The following LRP1B variants were observed in gnomAD, a reference collection of about 807,000 sequenced individuals.
LRP1B encodes low-density lipoprotein receptor-related protein 1B.
A neutral mutation model predicts 556.6 loss-of-function variants in LRP1B; 217 were observed. The ratio of observed to expected loss-of-function variants is 0.39; its 90% CI spans 0.35 to 0.44. The LOEUF (loss-of-function observed/expected upper bound fraction) is 0.44. Among genes scored for constraint, LRP1B ranks in the 20% least tolerant of loss-of-function variants. The probability of loss-of-function intolerance (pLI) is 1.00; values close to 1 mark genes in which losing one functional copy is unlikely to be tolerated. For missense variants in LRP1B, 5,053 were observed against 5,620.8 expected, an observed-to-expected ratio of 0.90 and a Z score of 3.23; for synonymous variants, 2,047 against 1,865.8, an observed-to-expected ratio of 1.10 and a Z score of -2.50.
intron 3 of LRP1B, among the ~76,000 whole-genome samples, chr2:141,456,148 G>A (rs529071018): frequency 1.4e-4 from 21 of 152,184 alleles, no homozygotes; most frequent in Non-Finnish European, 1.9e-4. Flanking sequence ...GTACTATAGC[G>A]TTTTCCCTTT....
intron 1 of LRP1B, among the ~76,000 whole-genome samples, chr2:141,914,446 A>G (rs1220228930): frequency 6.6e-6 from 1 of 152,238 alleles, no homozygotes; most frequent in African/African-American, 2.4e-5. Context: ...TAAAGACATC[A>G]GGTGGATGCC....
At chr2:141,289,605 G>C (rs1212099871) in intron 3 of LRP1B, among the ~76,000 whole-genome samples, 2 of 152,040 alleles carry the variant, frequency 1.3e-5, no homozygotes, top group Non-Finnish European at 2.9e-5. Context: ...GATCACAGGA[G>C]CAAAGGGAAA....
intron 1 of LRP1B, among the ~76,000 whole-genome samples, chr2:142,085,822 C>A (rs1472765081): frequency 1.3e-5 from 2 of 152,090 alleles, no homozygotes; most frequent in South Asian, 2.1e-4. Flanking sequence ...TAATACTATG[C>A]ATATATGAAA....
At chr2:140,573,520 G>A (rs1224172779) in intron 43 of LRP1B, among the ~76,000 whole-genome samples, 1 of 151,932 alleles carries the variant, frequency 6.6e-6, no homozygotes, top group Non-Finnish European at 1.5e-5. Flanking sequence ...TTATCTTTGA[G>A]TGATATTTTC....
intron 6 of LRP1B, among the ~76,000 whole-genome samples, chr2:141,210,927 A>T (rs1203284260): frequency 6.6e-6 from 1 of 152,194 alleles, no homozygotes; most frequent in East Asian, 1.9e-4. Context: ...TAACAGCTAA[A>T]CTAACAATAA....
At chr2:141,526,528 A>T (rs1684698454) in intron 2 of LRP1B, among the ~76,000 whole-genome samples, 1 of 152,032 alleles carries the variant, frequency 6.6e-6, no homozygotes, top group African/African-American at 2.4e-5. Flanking sequence ...CAATTTTTCC[A>T]TTTTATTCTT....
chr2:140,438,430 T>C (rs979993124), intron 66 of LRP1B, among the ~76,000 whole-genome samples: 5 of 152,250 alleles, frequency 3.3e-5, no homozygotes, highest in African/African-American at 9.6e-5. Context: ...TATAGCTATA[T>C]ATAGCTTAAC....
chr2:141,614,550 A>G (rs1161553681), intron 2 of LRP1B, among the ~76,000 whole-genome samples: 1 of 152,170 alleles, frequency 6.6e-6, no homozygotes, highest in African/African-American at 2.4e-5. Context: ...TACCAATGTG[A>G]CTGGTAGAAG....
chr2:141,907,112 G>T (rs1488958401), intron 1 of LRP1B, among the ~76,000 whole-genome samples: 1 of 151,972 alleles, frequency 6.6e-6, no homozygotes, highest in South Asian at 2.1e-4. Context: ...TAAAACTTGG[G>T]ATATGAAATT....
intron 62 of LRP1B, among the ~76,000 whole-genome samples, chr2:140,455,566 A>G (rs190035603): frequency 6.6e-5 from 10 of 152,298 alleles, no homozygotes; most frequent in African/African-American, 2.4e-4. Context: ...CTTAACCTCT[A>G]CACATTCTGG....
At chr2:141,189,539 A>C (rs1298088536) in intron 6 of LRP1B, among the ~76,000 whole-genome samples, 1 of 152,022 alleles carries the variant, frequency 6.6e-6, no homozygotes, top group Non-Finnish European at 1.5e-5. Context: ...AGGAGTATAC[A>C]TTCAGAGCAA....
intron 41 of LRP1B, among the ~76,000 whole-genome samples, chr2:140,676,606 CTG>C (rs1238207642): frequency 6.6e-6 from 1 of 152,138 alleles, no homozygotes; most frequent in Non-Finnish European, 1.5e-5. Context: ...TAAATAGACA[CTG>C]TCATTTCAGA....
intron 7 of LRP1B, among the ~76,000 whole-genome samples, chr2:141,137,359 T>A (rs915259001): frequency 1.3e-5 from 2 of 151,962 alleles, no homozygotes; most frequent in Admixed American, 1.3e-4. Flanking sequence ...CGGCACTTCC[T>A]GGACTTTAAA....
In LRP1B at chr2:140,506,793, T is replaced by C. The variant is rs770162523; in HGVS notation, c.8521+3A>G. On this transcript the variant is annotated splice_donor_region_variant and intron_variant, in intron 53 of 90. Transcript: ENST00000389484. ...TCCTTCATGAAGTTTTAGATGTACT[T>C]ACCACACTGCGGTGACTCATCAGAG... 1 of 1,610,968 alleles carries C rather than the reference T, an allele frequency of 6.2e-7. No homozygotes were observed.
intron 3 of LRP1B, among the ~76,000 whole-genome samples, chr2:141,352,595 T>A (rs895803550): frequency 4.0e-5 from 6 of 151,854 alleles, no homozygotes; most frequent in African/African-American, 1.5e-4. Context: ...GGTTAATTGA[T>A]AAAAAATGAT....
intron 2 of LRP1B, among the ~76,000 whole-genome samples, chr2:141,678,043 C>T (rs1224019143): frequency 1.3e-5 from 2 of 152,126 alleles, no homozygotes; most frequent in African/African-American, 2.4e-5. Flanking sequence ...TATCTGTGAC[C>T]TTCAGACAAC....
intron 41 of LRP1B, among the ~76,000 whole-genome samples, chr2:140,658,671 C>T (rs13015716): frequency 0.07 from 10,612 of 151,612 alleles, 450 homozygotes; most frequent in East Asian, 0.18. Context: ...ATGTTTTTAA[C>T]GCAATATGTC....
chr2:140,437,466 G>A (rs970200476), intron 66 of LRP1B, among the ~76,000 whole-genome samples: 7 of 152,138 alleles, frequency 4.6e-5, no homozygotes, highest in Non-Finnish European at 1.0e-4. Context: ...TCAAAATATA[G>A]TACATGTATT....
chr2:141,582,294 C>T (rs956180748), intron 2 of LRP1B, among the ~76,000 whole-genome samples: 1 of 152,174 alleles, frequency 6.6e-6, no homozygotes, highest in South Asian at 2.1e-4. Flanking sequence ...CTGTATCATT[C>T]AAGAATTAAA....
Sources: gnomAD v4.1 joint callset for allele counts (sites outside exome capture counted in the v4.1 genomes callset) on GRCh38, gnomAD v4.1.1 for gene constraint, MANE v1.5 for transcripts, NCBI Gene and HGNC (gene_info 2026-07-23, HGNC 2026-07-21) for gene names.